Variants in EXT1 observed in about 807,000 individuals in gnomAD.
EXT1 encodes exostosin-1.
In EXT1, 20 loss-of-function variants were observed where a neutral mutation model predicts 82.5. The observed-to-expected ratio is 0.24, with a 90% CI of 0.17 to 0.35. The LOEUF is 0.35. Among genes scored for constraint, EXT1 ranks in the 10% least tolerant of loss-of-function variants. The probability of loss-of-function intolerance (pLI) is 1.00; values close to 1 mark genes in which losing one functional copy is unlikely to be tolerated. For missense variants in EXT1, 757 were observed against 936.5 expected, an observed-to-expected ratio of 0.81 and a Z score of 2.50; for synonymous variants, 348 against 350.8, an observed-to-expected ratio of 0.99 and a Z score of 0.09.
At chr8:117,866,428 G>C (rs904427059) in intron 1 of EXT1, among the ~76,000 whole-genome samples, 1 of 152,260 alleles carries the variant, frequency 6.6e-6, no homozygotes, top group Admixed American at 6.5e-5. Context: ...CAAACGTGCT[G>C]TAATGAGCTA....
chr8:117,858,111 T>C (rs576639645), intron 1 of EXT1, among the ~76,000 whole-genome samples: 44 of 152,350 alleles, frequency 2.9e-4, no homozygotes, highest in African/African-American at 9.4e-4. Context: ...AAGTGGTTTC[T>C]TGAGATGGAA....
rs756888962 is a variant in EXT1, at chr8:117,830,217, TG to T, written c.1284+12del. On this transcript the variant is annotated intron_variant, in intron 4 of 10. Transcript: ENST00000378204. ...CCATTATTCAAGCCCAAGAGCCAAGTGGTCTCACTTACCTCTAGTGTAGTTA... is the reference window on the plus strand; with the variant it reads ...CCATTATTCAAGCCCAAGAGCCAAGTGTCTCACTTACCTCTAGTGTAGTTA... The T allele has an allele frequency of 1.9e-6, 3 of 1,613,788 alleles. No individual in the cohort carries two copies. The Admixed American group carries it at 5.0e-5, about 27-fold the overall frequency.
At chr8:117,970,885 C>T (rs1177976984) in intron 1 of EXT1, among the ~76,000 whole-genome samples, 2 of 152,262 alleles carry the variant, frequency 1.3e-5, no homozygotes, top group African/African-American at 2.4e-5. Flanking sequence ...CTGGGTAATC[C>T]GTTTTTCCAT....
chr8:117,839,879 C>T (rs1812247282), intron 1 of EXT1, among the ~76,000 whole-genome samples: 1 of 152,204 alleles, frequency 6.6e-6, no homozygotes, highest in African/African-American at 2.4e-5. Flanking sequence ...AGAAGGTCTT[C>T]TCTAGTTGCT....
intron 1 of EXT1, among the ~76,000 whole-genome samples, chr8:117,976,844 G>T (rs1461384065): frequency 1.3e-5 from 2 of 152,142 alleles, no homozygotes; most frequent in Admixed American, 6.6e-5. Flanking sequence ...ATCCTGGTGG[G>T]GTTAGGGAGA....
chr8:118,063,247 A>G (rs1816914761), intron 1 of EXT1, among the ~76,000 whole-genome samples: 1 of 152,266 alleles, frequency 6.6e-6, no homozygotes, highest in African/African-American at 2.4e-5. Flanking sequence ...AGAAGTGCAT[A>G]TCTGCTTAGT....
At chr8:117,812,771 C>T in intron 8 of EXT1, 101 bp downstream of exon 8, 3 of 1,118,572 alleles carry the variant, frequency 2.7e-6, no homozygotes, top group Admixed American at 3.9e-5. Flanking sequence ...AAAATGTTTT[C>T]AACTTCTGCC....
At chr8:117,907,948 T>G (rs1813573280) in intron 1 of EXT1, among the ~76,000 whole-genome samples, 1 of 152,178 alleles carries the variant, frequency 6.6e-6, no homozygotes, top group African/African-American at 2.4e-5. Context: ...GCAATATTTT[T>G]GAAAAAGCCA....
intron 1 of EXT1, among the ~76,000 whole-genome samples, chr8:117,934,036 A>G (rs1033329088): frequency 3.3e-5 from 5 of 152,012 alleles, no homozygotes; most frequent in Admixed American, 1.3e-4. Flanking sequence ...TGGACACAGG[A>G]TATCTCTCCC....
intron 1 of EXT1, among the ~76,000 whole-genome samples, chr8:117,957,556 A>T (rs1291194821): frequency 6.6e-6 from 1 of 152,290 alleles, no homozygotes; most frequent in East Asian, 1.9e-4. Context: ...AGAAGTAATC[A>T]CTTTCACTCA....
At chr8:117,865,719 A>G (rs1563584655) in intron 1 of EXT1, among the ~76,000 whole-genome samples, 1 of 152,196 alleles carries the variant, frequency 6.6e-6, no homozygotes, top group Non-Finnish European at 1.5e-5. Context: ...GATGGCACTA[A>G]TCGTATAAAT....
Position 117,835,539 on chromosome 8 carries a change from G to A in EXT1, c.1069C>T (p.Pro357Ser). The change falls in exon 3 of 11, where the codon CCT becomes TCT. Residue 357 changes from proline to serine, a missense_variant. Pro to Ser is a moderately conservative substitution (Grantham distance 74). Around this residue, in one of 4 missense-constraint regions of EXT1, gnomAD observed 247 missense variants for 330.1 expected, o/e 0.75. Coordinates refer to ENST00000378204, the MANE Select transcript of EXT1 (RefSeq NM_000127.3). The part of the protein sequence containing the change: ...FLEALQAACV[P>S]VMLSNGWELP... ...TCCCATCCATTGCTGAGCATCACAG[G>A]GACGCAGGCAGCCTGAGCAAAAAAG... 6.2e-7 allele frequency: 1 copy of A among 1,613,960 alleles called. No homozygotes were observed. The highest frequency in any genetic ancestry group is 8.5e-7 in the Non-Finnish European group (1 of 1,179,872).
intron 1 of EXT1, among the ~76,000 whole-genome samples, chr8:118,046,581 C>T (rs546130555): frequency 6.6e-6 from 1 of 152,332 alleles, no homozygotes; most frequent in Admixed American, 6.5e-5. Context: ...CACCACCTCA[C>T]TCTGCCTCTG....
rs746586492 is a variant in EXT1, at chr8:117,822,637, TGATGATATTTGG to T, written c.1285-52_1285-41del. 148 of 1,606,978 alleles carry T rather than the reference TGATGATATTTGG, an allele frequency of 9.2e-5. No individual in the cohort carries two copies. In the African/African-American group the frequency reaches 1.5e-3, roughly 16 times the overall value. ...ATAGCACACAGTGAGGATGAGATCC[TGATGATATTTGG>T]AAAGGATGATGCTCAATCCAAATTC... On this transcript the variant is annotated intron_variant, in intron 4 of 10. Transcript: ENST00000378204.
At chr8:117,871,375 G>C (rs1021314628) in intron 1 of EXT1, among the ~76,000 whole-genome samples, 1 of 152,212 alleles carries the variant, frequency 6.6e-6, no homozygotes, top group African/African-American at 2.4e-5. Context: ...AGAACTCTTC[G>C]TTCAGAAAGC....
At chr8:118,027,369 C>T (rs1277856403) in intron 1 of EXT1, among the ~76,000 whole-genome samples, 3 of 150,958 alleles carry the variant, frequency 2.0e-5, no homozygotes, top group East Asian at 2.0e-4. Context: ...GCATTTAATG[C>T]TATCAACAGC....
intron 1 of EXT1, among the ~76,000 whole-genome samples, chr8:118,010,931 G>A (rs1017549240): frequency 6.6e-6 from 1 of 152,218 alleles, no homozygotes; most frequent in Non-Finnish European, 1.5e-5. Context: ...AAAGCTTTCT[G>A]TGGGTAATTC....
chr8:118,057,760 G>A (rs1382478597), intron 1 of EXT1, among the ~76,000 whole-genome samples: 4 of 151,792 alleles, frequency 2.6e-5, no homozygotes, highest in African/African-American at 4.8e-5. Context: ...GATCACCTGA[G>A]GTCAGAAGAT....
chr8:117,805,009 A>G lies in EXT1; in HGVS notation c.1884-116T>C. The G allele has an allele frequency of 3.4e-6, 3 of 879,514 alleles. No homozygotes were observed. The Admixed American group carries it at 6.0e-5, about 17-fold the overall frequency. 54.5% of individuals were successfully genotyped at this position (879,514 alleles called of 1,614,324 possible). On this transcript the variant is annotated intron_variant, in intron 9 of 10. Coordinates refer to ENST00000378204, the MANE Select transcript of EXT1 (RefSeq NM_000127.3). ...AATCCCTAAACATGTCATGAATGGT[A>G]ATGATAATGATGATGATGATGACGA...
Sources: allele counts gnomAD v4.1 joint callset (sites outside exome capture counted in the v4.1 genomes callset), GRCh38; gene constraint gnomAD v4.1.1; regional missense constraint gnomAD v4.1.1; transcripts MANE v1.5; gene names NCBI Gene and HGNC (gene_info 2026-07-23, HGNC 2026-07-21).